The following FOXP2 variants were observed in gnomAD, a reference collection of about 807,000 sequenced individuals.
FOXP2 encodes the protein forkhead box protein P2.
FOXP2 carries 12 observed loss-of-function variants against 115.8 expected under a neutral mutation model. The ratio of observed to expected loss-of-function variants is 0.10; its 90% CI spans 0.07 to 0.17. FOXP2 has a LOEUF of 0.17. Among genes scored for constraint, FOXP2 ranks in the 10% least tolerant of loss-of-function variants. The pLI, the probability that FOXP2 is intolerant of heterozygous loss-of-function variation, is 1.00. For missense variants in FOXP2, 629 were observed against 843.5 expected (o/e 0.75, Z 3.15); for synonymous variants, 328 against 297.7 (o/e 1.10, Z -1.05).
At chr7:114,491,745 A>G (rs1797066617) in intron 2 of FOXP2, among the ~76,000 whole-genome samples, 1 of 152,178 alleles carries the variant, frequency 6.6e-6, no homozygotes, top group Non-Finnish European at 1.5e-5. Flanking sequence ...CCAGCCTTGC[A>G]TCCCAGGGAT....
rs150096987 is a variant in FOXP2, at chr7:114,500,039, C to T, written c.169-34578C>T. ...GACCATCCTGGCTAACACGGTGAAA[C>T]CCCGTCTCCACTAAAAATACAAAAA... On this transcript the variant is annotated intron_variant, in intron 2 of 16. Coordinates refer to ENST00000350908, the MANE Select transcript of FOXP2 (RefSeq NM_014491.4). Among the ~76,000 whole-genome samples, 1,085 of 151,956 alleles carry T rather than the reference C, an allele frequency of 7.1e-3. 15 individuals carry two copies. The highest frequency in any genetic ancestry group is 0.025 in the African/African-American group (1,020 of 41,464).
intron 1 of FOXP2, among the ~76,000 whole-genome samples, chr7:114,104,258 G>C (rs1053438040): frequency 1.3e-5 from 2 of 151,676 alleles, no homozygotes; most frequent in Admixed American, 1.3e-4. Context: ...ATGAGTCAGG[G>C]CTTGGCTGTA....
chr7:114,108,025 T>G (rs1791166609), intron 1 of FOXP2, among the ~76,000 whole-genome samples: 2 of 152,098 alleles, frequency 1.3e-5, no homozygotes, highest in South Asian at 2.1e-4. Flanking sequence ...TTTGACAAAG[T>G]CACATTATTT....
chr7:114,274,430 T>C (rs1796134136), intron 1 of FOXP2, among the ~76,000 whole-genome samples: 1 of 152,098 alleles, frequency 6.6e-6, no homozygotes, highest in South Asian at 2.1e-4. Flanking sequence ...AATCTGAGTG[T>C]CTGACCTGTA....
At chr7:114,454,882 G>A (rs867338261) in intron 2 of FOXP2, among the ~76,000 whole-genome samples, 5,086 of 108,966 alleles carry the variant, frequency 0.047, 174 homozygotes, top group Non-Finnish European at 0.066. Context: ...GGTGGGGGGA[G>A]GGGGGAGGGA....
intron 14 of FOXP2, 30 bp downstream of exon 14, chr7:114,662,216 A>G (rs1413642619): frequency 1.2e-6 from 2 of 1,611,210 alleles, no homozygotes; most frequent in Admixed American, 1.7e-5. Flanking sequence ...GTAATCCTGT[A>G]TCCTGCATCC....
intron 1 of FOXP2, among the ~76,000 whole-genome samples, chr7:114,187,393 C>T (rs2129156530): frequency 6.6e-6 from 1 of 152,280 alleles, no homozygotes; most frequent in Middle Eastern, 3.4e-3. Flanking sequence ...CACAGACATT[C>T]AGCCAAATTT....
In FOXP2 at chr7:114,462,984, GT is replaced by G. The variant is rs1376584845; in HGVS notation, c.168+36307del. 28 of 334,448 alleles carry G rather than the reference GT, an allele frequency of 8.4e-5. No homozygotes were observed. The Admixed American group carries it at 1.1e-3, about 13-fold the overall frequency. 20.7% of individuals were successfully genotyped at this position (334,448 alleles called of 1,614,324 possible). A position where few individuals can be genotyped will look rare whatever the true frequency, so the allele number is the denominator to read the frequency against. ...ATACATTAATTATAACTTGCAAATA[GT>G]TCATCCAAGATGCAGTATATGCATT... On this transcript the variant is annotated intron_variant, in intron 2 of 16. Transcript: ENST00000350908.
intron 1 of FOXP2, among the ~76,000 whole-genome samples, chr7:114,271,728 T>TA (rs1276049317): frequency 3.7e-4 from 43 of 117,804 alleles, no homozygotes; most frequent in Non-Finnish European, 5.6e-4. Context: ...ATGTATTAAA[T>TA]ATATATTAAA....
At chr7:114,522,723 A>G (rs1247535153) in intron 2 of FOXP2, among the ~76,000 whole-genome samples, 3 of 152,152 alleles carry the variant, frequency 2.0e-5, no homozygotes, top group Non-Finnish European at 4.4e-5. Flanking sequence ...ATTAGTTTGT[A>G]TCTTATTTTA....
At chr7:114,324,638 G>A (rs1052532629) in intron 2 of FOXP2, among the ~76,000 whole-genome samples, 7 of 151,496 alleles carry the variant, frequency 4.6e-5, no homozygotes, top group East Asian at 3.9e-4. Flanking sequence ...AATAATTGGC[G>A]ACTGTTATCT....
intron 1 of FOXP2, among the ~76,000 whole-genome samples, chr7:114,423,216 A>G (rs560281548): frequency 3.3e-4 from 50 of 151,810 alleles, no homozygotes; most frequent in Middle Eastern, 6.8e-3. Context: ...TAACAACACA[A>G]TTCTGCAAGT....
intron 2 of FOXP2, among the ~76,000 whole-genome samples, chr7:114,367,152 T>G (rs541823591): frequency 6.6e-6 from 1 of 152,196 alleles, no homozygotes; most frequent in African/African-American, 2.4e-5. Context: ...TCATATGAGT[T>G]AAAAAGCTCA....
At chr7:114,362,074 A>G (rs774125667) in intron 2 of FOXP2, among the ~76,000 whole-genome samples, 10 of 152,142 alleles carry the variant, frequency 6.6e-5, no homozygotes, top group Non-Finnish European at 1.3e-4. Context: ...TATGGTGGCC[A>G]GGGAGGGGGT....
At chr7:114,138,694 C>A (rs1486933542) in intron 1 of FOXP2, among the ~76,000 whole-genome samples, 1 of 151,706 alleles carries the variant, frequency 6.6e-6, no homozygotes, top group Non-Finnish European at 1.5e-5. Flanking sequence ...CCCGGCCAAG[C>A]CTATTTTAAT....
At chr7:114,265,094 G>T (rs1167394008) in intron 1 of FOXP2, among the ~76,000 whole-genome samples, 1 of 152,102 alleles carries the variant, frequency 6.6e-6, no homozygotes, top group Non-Finnish European at 1.5e-5. Context: ...ATTGTAAAAT[G>T]CAATCATGCC....
intron 3 of FOXP2, among the ~76,000 whole-genome samples, chr7:114,602,620 C>T (rs992624480): frequency 3.9e-5 from 6 of 151,902 alleles, no homozygotes; most frequent in East Asian, 1.9e-4. Context: ...TACATTTCAC[C>T]CCCAAAGCCT....
intron 7 of FOXP2, among the ~76,000 whole-genome samples, 189 bp downstream of exon 7, chr7:114,642,812 A>AATT (rs1805639177): frequency 1.4e-5 from 1 of 72,438 alleles, no homozygotes; most frequent in Non-Finnish European, 2.3e-5. Flanking sequence ...ATATATATAT[A>AATT]TTTTTTTTTT....
At chr7:114,337,504 T>C (rs1797882522) in intron 2 of FOXP2, among the ~76,000 whole-genome samples, 2 of 151,262 alleles carry the variant, frequency 1.3e-5, no homozygotes, top group Admixed American at 6.6e-5. Flanking sequence ...AAATAATATG[T>C]ATTATAACTA....
Sources: gnomAD v4.1 joint callset for allele counts (sites outside exome capture counted in the v4.1 genomes callset) on GRCh38, gnomAD v4.1.1 for gene constraint, MANE v1.5 for transcripts, NCBI Gene and HGNC (gene_info 2026-07-23, HGNC 2026-07-21) for gene names.